The following ATP5MC2 variants were observed in gnomAD, a reference collection of about 807,000 sequenced individuals.
The protein encoded by ATP5MC2 is ATP synthase membrane subunit c locus 2, also known as ATP synthase F(0) complex subunit C2, mitochondrial.
ATP5MC2 carries 11 observed loss-of-function variants against 13.5 expected under a neutral mutation model. The ratio of observed to expected loss-of-function variants is 0.81; its 90% CI spans 0.51 to 1.35. The LOEUF (loss-of-function observed/expected upper bound fraction) is 1.35. ATP5MC2 is among the 40% of genes most tolerant of loss of function. The pLI is 0.00. For synonymous variants in ATP5MC2, 64 were observed against 69.7 expected, an observed-to-expected ratio of 0.92 and a Z score of 0.41; for missense variants, 132 against 175.0, an observed-to-expected ratio of 0.75 and a Z score of 1.39.
Position 53,667,956 on chromosome 12 carries a change from CATATATATAT to C in ATP5MC2, c.311+1182_311+1191del, listed in dbSNP as rs772110168. Among the ~76,000 whole-genome samples, 204 of 67,364 alleles carry C rather than the reference CATATATATAT, an allele frequency of 3.0e-3. 5 individuals carry two copies. The highest frequency in any genetic ancestry group is 0.016 in the South Asian group (29 of 1,812). 44.2% of individuals were successfully genotyped at this position (67,364 alleles called of 152,430 possible). On this transcript the variant is annotated intron_variant, in intron 4 of 4. Coordinates refer to ENST00000394349, the MANE Select transcript of ATP5MC2 (RefSeq NM_005176.7). ...TCTAATACATACATACATACACACA[CATATATATAT>C]ATATATATATATATATATATATATA...
Position 53,669,868 on chromosome 12 carries a change from T to A in ATP5MC2, c.117+3A>T. ...CCACAGTCCCAACTCCACTGTAAGG[T>A]ACCTCATCTGTCAGTATCTCCGGTC... On this transcript the variant is annotated splice_donor_region_variant and intron_variant, in intron 3 of 4. Transcript: ENST00000394349. 2 of 1,613,818 alleles carry A rather than the reference T, an allele frequency of 1.2e-6. No individual in the cohort carries two copies. Among genetic ancestry groups the A allele is most frequent in the Non-Finnish European group, 1.7e-6 (2 of 1,179,880 alleles).
intron 1 of ATP5MC2, among the ~76,000 whole-genome samples, chr12:53,674,819 A>G (rs1945218917): frequency 6.6e-6 from 1 of 152,162 alleles, no homozygotes; most frequent in South Asian, 2.1e-4. Flanking sequence ...GCCTATATGT[A>G]ACTCTAACCC....
At chr12:53,676,541 C>G (rs745815869), upstream of ATP5MC2, 5 of 229,574 alleles carry the variant, frequency 2.2e-5, no homozygotes, top group Admixed American at 1.6e-4. Context: ...GGATGGCAAA[C>G]CGGCTCCATG....
upstream of ATP5MC2, among the ~76,000 whole-genome samples, chr12:53,677,570 G>T (rs1945308585): frequency 6.6e-6 from 1 of 152,250 alleles, no homozygotes; most frequent in Non-Finnish European, 1.5e-5. Context: ...AGGGGAAGGA[G>T]TGGGGAGAAA....
intron 1 of ATP5MC2, chr12:53,673,770 A>C: frequency 5.7e-6 from 1 of 174,962 alleles, no homozygotes; most frequent in Non-Finnish European, 1.2e-5. Flanking sequence ...ACGGTGAGCC[A>C]AGATTGCGCC....
chr12:53,668,458 C>T lies in ATP5MC2; in HGVS notation c.311+690G>A, dbSNP rs141714448. On this transcript the variant is annotated intron_variant, in intron 4 of 4. Transcript: ENST00000394349. The stretch of plus-strand genomic sequence containing the variant: ...AGCTGGGATTATAGGTGCACGCCCC[C>T]CTTACCCAGGTAATTTTTGTATTTT... Among the ~76,000 whole-genome samples the T allele has an allele frequency of 8.6e-5, 13 of 151,790 alleles. No individual in the cohort carries two copies. In the East Asian group the frequency reaches 1.4e-3, roughly 16 times the overall value.
intron 2 of ATP5MC2, among the ~76,000 whole-genome samples, chr12:53,670,675 T>C (rs1945070627): frequency 6.6e-6 from 1 of 151,836 alleles, no homozygotes. Flanking sequence ...TGGAATGCAG[T>C]GTCGTGATCT....
At chr12:53,677,197 T>TCCCGGGC (rs1169938921), upstream of ATP5MC2, 2 of 152,816 alleles carry the variant, frequency 1.3e-5, no homozygotes, top group Non-Finnish European at 2.9e-5. Flanking sequence ...CCCTCCCGGC[T>TCCCGGGC]CCCGGGCCCC....
intron 3 of ATP5MC2, 145 bp downstream of exon 3, chr12:53,669,726 A>G (rs1270842504): frequency 2.3e-6 from 2 of 862,576 alleles, no homozygotes; most frequent in Non-Finnish European, 3.7e-6. Flanking sequence ...AGTGTCCTCC[A>G]TCTCCACCTA....
intron 1 of ATP5MC2, among the ~76,000 whole-genome samples, chr12:53,674,204 G>A (rs1945199179): frequency 6.6e-6 from 1 of 152,126 alleles, no homozygotes; most frequent in Non-Finnish European, 1.5e-5. Context: ...TTAGCCAGGT[G>A]AGGTGGAAGT....
intron 1 of ATP5MC2, among the ~76,000 whole-genome samples, chr12:53,675,548 AC>A (rs1006713634): frequency 1.3e-5 from 2 of 152,156 alleles, no homozygotes; most frequent in African/African-American, 4.8e-5. Flanking sequence ...TTCAAGGTTT[AC>A]TTTTTAAATT....
rs200930340 is a variant in ATP5MC2 at position 53,671,009 on chromosome 12, TC to T, written c.40-1062del. On this transcript the variant is annotated intron_variant, in intron 2 of 4. Transcript: ENST00000394349. ...AATCTTAATCTAAAGTTGGGGGCCT[TC>T]TGTATGGGTAATGGTCAGCCCACAA... is the stretch of plus-strand genomic sequence containing the variant. 1.3e-3 allele frequency among the ~76,000 whole-genome samples: 198 copies of T among 152,154 alleles called. 2 individuals are homozygous for T. The East Asian group carries it at 0.029, about 22-fold the overall frequency.
chr12:53,666,943 C>CAAAAAAA (rs58565014), intron 4 of ATP5MC2, among the ~76,000 whole-genome samples: 41 of 103,398 alleles, frequency 4.0e-4, no homozygotes, highest in African/African-American at 1.4e-3. Flanking sequence ...GACTCAGTCT[C>CAAAAAAA]AAAAAAAAAA....
At chr12:53,671,410 A>G (rs1346394479) in intron 2 of ATP5MC2, among the ~76,000 whole-genome samples, 1 of 152,222 alleles carries the variant, frequency 6.6e-6, no homozygotes, top group East Asian at 1.9e-4. Flanking sequence ...ACTCCTTTTT[A>G]TTTGTGAATG....
chr12:53,676,306 T>G, upstream of ATP5MC2: 1 of 1,475,442 alleles, frequency 6.8e-7, no homozygotes, highest in Non-Finnish European at 9.1e-7. Context: ...CTCCGCGGAG[T>G]AAGCCGATCC....
In ATP5MC2 at chr12:53,669,282, G is replaced by A; in HGVS notation, c.177C>T (p.Phe59=). 1 of 1,614,180 alleles carries A rather than the reference G, an allele frequency of 6.2e-7. No individual in the cohort carries two copies. ...TGTCCCTTGAAATGGCGCTGGTTTG[G>A]AAGCTGCGGCTAGAGACAAGTGAGG... ...PLTSLVSSRS[F]QTSAISRDID... is the part of the protein sequence containing the mutation. Residue 59 remains phenylalanine (F), a synonymous_variant, in exon 4 of 5, where the codon TTC becomes TTT. Transcript: ENST00000394349.
At chr12:53,670,464 C>A (rs909569317) in intron 2 of ATP5MC2, among the ~76,000 whole-genome samples, 5 of 152,182 alleles carry the variant, frequency 3.3e-5, no homozygotes, top group Non-Finnish European at 5.9e-5. Flanking sequence ...CCTAGCAACA[C>A]AGTACACCGT....
rs1313637619 is a variant in ATP5MC2 at position 53,669,047 on chromosome 12, T to C, written c.311+101A>G. ...AACAAACAAACAAACAACATGTAGCTAGTGGCTACAGTGTGGGATAGTATA... is the reference window on the plus strand; with the variant it reads ...AACAAACAAACAAACAACATGTAGCCAGTGGCTACAGTGTGGGATAGTATA... On this transcript the variant is annotated intron_variant, in intron 4 of 4. Coordinates refer to ENST00000394349, the MANE Select transcript of ATP5MC2 (RefSeq NM_005176.7). The C allele has an allele frequency of 2.2e-6, 3 of 1,347,482 alleles. No homozygotes were observed. In the African/African-American group the frequency reaches 4.4e-5, roughly 20 times the overall value. 83.5% of individuals were successfully genotyped at this position (1,347,482 alleles called of 1,614,324 possible).
chr12:53,672,101 A>ATAAAATAAAATAAAATAAAATAAAAT lies in ATP5MC2; in HGVS notation c.39+474_39+475insATTTTATTTTATTTTATTTTATTTTA, dbSNP rs1304385416. On this transcript the variant is annotated intron_variant, in intron 2 of 4. Coordinates refer to ENST00000394349, the MANE Select transcript of ATP5MC2 (RefSeq NM_005176.7). ...TCTGTCTCAAAAAAAAAAAAAAAAA[A>ATAAAATAAAATAAAATAAAATAAAAT]AAAATTAACTGGCCGCCAAGGGATA... 4.8e-3 allele frequency among the ~76,000 whole-genome samples: 722 copies of ATAAAATAAAATAAAATAAAATAAAAT among 150,562 alleles called. 12 individuals carry two copies. The highest frequency in any genetic ancestry group is 0.017 in the African/African-American group (689 of 40,696).
Sources: gnomAD v4.1 joint callset for allele counts (sites outside exome capture counted in the v4.1 genomes callset) on GRCh38, gnomAD v4.1.1 for gene constraint, MANE v1.5 for transcripts, NCBI Gene and HGNC (gene_info 2026-07-23, HGNC 2026-07-21) for gene names.